Variants in BAALC observed in about 807,000 individuals in gnomAD.
The protein encoded by BAALC is brain and acute leukemia cytoplasmic protein.
BAALC carries 9 observed loss-of-function variants against 15.5 expected under a neutral mutation model. The observed-to-expected ratio is 0.58, with a 90% confidence interval of 0.35 to 1.02. The LOEUF is 1.02. Among genes scored for constraint, BAALC ranks in the 50% least tolerant of loss-of-function variants. The pLI is 0.02. For synonymous variants in BAALC, 80 were observed against 74.6 expected (o/e 1.07, Z -0.37); for missense variants, 201 against 192.4 (o/e 1.04, Z -0.27).
At chr8:103,199,859 T>A (rs983135016) in intron 1 of BAALC, among the ~76,000 whole-genome samples, 2 of 152,194 alleles carry the variant, frequency 1.3e-5, no homozygotes, top group Admixed American at 1.3e-4. Context: ...CCCCTATGTG[T>A]CCATGTGTTC....
At chr8:103,144,955 C>G (rs1313452174) in intron 1 of BAALC, among the ~76,000 whole-genome samples, 1 of 152,190 alleles carries the variant, frequency 6.6e-6, no homozygotes, top group Admixed American at 6.5e-5. Flanking sequence ...AGCCACCCTC[C>G]TTTTACAAGT....
chr8:103,207,997 C>T (rs971506215), intron 1 of BAALC, among the ~76,000 whole-genome samples: 12 of 152,130 alleles, frequency 7.9e-5, no homozygotes, highest in African/African-American at 2.9e-4. Context: ...GACAGATGAC[C>T]CCTGCTCATT....
intron 1 of BAALC, among the ~76,000 whole-genome samples, chr8:103,155,564 C>T (rs183428711): frequency 5.7e-4 from 87 of 152,332 alleles, no homozygotes; most frequent in African/African-American, 2.0e-3. Flanking sequence ...TCATTTCCTT[C>T]CACAGGAGCA....
At chr8:103,176,878 A>G (rs1811617940) in intron 1 of BAALC, among the ~76,000 whole-genome samples, 1 of 152,146 alleles carries the variant, frequency 6.6e-6, no homozygotes, top group South Asian at 2.1e-4. Flanking sequence ...CTGAGGGCAA[A>G]TGCTGCAGGG....
intron 2 of BAALC, among the ~76,000 whole-genome samples, chr8:103,216,784 G>C (rs1261999012): frequency 6.6e-6 from 1 of 152,224 alleles, no homozygotes; most frequent in Non-Finnish European, 1.5e-5. Context: ...CCACTACCAA[G>C]TATTTATTCA....
At chr8:103,218,033 G>A (rs966659764) in intron 2 of BAALC, among the ~76,000 whole-genome samples, 3 of 152,204 alleles carry the variant, frequency 2.0e-5, no homozygotes, top group African/African-American at 7.2e-5. Flanking sequence ...GTCAGGGGTA[G>A]CAGCTACTCT....
At chr8:103,157,792 G>A (rs1255367495) in intron 1 of BAALC, among the ~76,000 whole-genome samples, 3 of 152,174 alleles carry the variant, frequency 2.0e-5, no homozygotes, top group Non-Finnish European at 4.4e-5. Flanking sequence ...GGGCAACAGA[G>A]CAAGACCCTG....
intron 1 of BAALC, among the ~76,000 whole-genome samples, chr8:103,178,453 G>T (rs62527647): frequency 0.076 from 11,503 of 152,268 alleles, 577 homozygotes; most frequent in Non-Finnish European, 0.12. Context: ...ACCCTGGATA[G>T]GATCTTGTAC....
chr8:103,144,636 C>T (rs566384365), intron 1 of BAALC, among the ~76,000 whole-genome samples: 1 of 152,094 alleles, frequency 6.6e-6, no homozygotes, highest in Admixed American at 6.5e-5. Flanking sequence ...ATCACAAGCC[C>T]CAAAAATTGC....
intron 1 of BAALC, among the ~76,000 whole-genome samples, chr8:103,199,686 A>G (rs1356863814): frequency 2.6e-5 from 4 of 151,862 alleles, no homozygotes; most frequent in African/African-American, 7.3e-5. Context: ...GTTCAGGGGT[A>G]CAAGTATTAA....
At chr8:103,193,502 TG>T (rs1812020986) in intron 1 of BAALC, among the ~76,000 whole-genome samples, 1 of 152,208 alleles carries the variant, frequency 6.6e-6, no homozygotes. Context: ...TTGTTGTGCC[TG>T]GGAGTGGGGA....
chr8:103,215,476 T>G (rs893331879), intron 2 of BAALC, among the ~76,000 whole-genome samples: 1 of 24,362 alleles, frequency 4.1e-5, no homozygotes, highest in Admixed American at 5.8e-4. Context: ...ATTCAGTTGC[T>G]TGAGACAACA....
At chr8:103,186,805 T>C (rs1173524344) in intron 1 of BAALC, among the ~76,000 whole-genome samples, 1 of 152,214 alleles carries the variant, frequency 6.6e-6, no homozygotes, top group Non-Finnish European at 1.5e-5. Context: ...CAGATGATAA[T>C]GGATAATCTT....
intron 1 of BAALC, among the ~76,000 whole-genome samples, chr8:103,178,172 G>A (rs1319800168): frequency 6.6e-6 from 1 of 152,176 alleles, no homozygotes; most frequent in African/African-American, 2.4e-5. Context: ...AATAAATAGT[G>A]AGCAGGTATC....
chr8:103,143,050 CA>C (rs1424915664), intron 1 of BAALC, among the ~76,000 whole-genome samples: 1 of 152,164 alleles, frequency 6.6e-6, no homozygotes, highest in African/African-American at 2.4e-5. Flanking sequence ...CTGTTAGCCT[CA>C]GGGGAGAGGG....
At chr8:103,205,228 T>A (rs1812301995) in intron 1 of BAALC, among the ~76,000 whole-genome samples, 1 of 152,196 alleles carries the variant, frequency 6.6e-6, no homozygotes, top group Non-Finnish European at 1.5e-5. Flanking sequence ...ATTTCTGTAC[T>A]CTTCCCTCCT....
chr8:103,178,923 A>G (rs1811666165), intron 1 of BAALC, among the ~76,000 whole-genome samples: 1 of 152,114 alleles, frequency 6.6e-6, no homozygotes, highest in Non-Finnish European at 1.5e-5. Context: ...ACAAAAGGGA[A>G]TATGAGAAAC....
At chr8:103,187,901 G>A (rs1179872239) in intron 1 of BAALC, among the ~76,000 whole-genome samples, 1 of 152,140 alleles carries the variant, frequency 6.6e-6, no homozygotes, top group African/African-American at 2.4e-5. Flanking sequence ...TTGTGACTTA[G>A]TGTCCAAGGA....
intron 1 of BAALC, among the ~76,000 whole-genome samples, chr8:103,201,115 A>G (rs1028710549): frequency 2.0e-5 from 3 of 152,100 alleles, no homozygotes; most frequent in African/African-American, 7.2e-5. Context: ...GACTTTGTGG[A>G]AAGAGATCAG....
Sources: allele counts gnomAD v4.1 joint callset (sites outside exome capture counted in the v4.1 genomes callset), GRCh38; gene constraint gnomAD v4.1.1; transcripts MANE v1.5; gene names NCBI Gene and HGNC (gene_info 2026-07-23, HGNC 2026-07-21).